ZFHX3: variants seen among roughly 807,000 people sequenced by gnomAD.
ZFHX3 encodes zinc finger homeobox protein 3.
Under a neutral mutation model 279.1 loss-of-function variants are expected in ZFHX3, and 42 were observed. The observed-to-expected ratio is 0.15, with a 90% CI of 0.12 to 0.19. The LOEUF is 0.19. ZFHX3 is among the 10% of genes least tolerant of loss of function. ZFHX3 has a pLI of 1.00. For missense variants in ZFHX3, 4,981 were observed against 4,754.0 expected (o/e 1.05, Z -1.40); for synonymous variants, 2,293 against 1,957.8 (o/e 1.17, Z -4.52).
At chr16:73,633,233 GAGA>G (rs1208734566) in intron 2 of ZFHX3, among the ~76,000 whole-genome samples, 1 of 152,322 alleles carries the variant, frequency 6.6e-6, no homozygotes, top group African/African-American at 2.4e-5. Context: ...GATCGAAATT[GAGA>G]AGGAGAAACC....
At chr16:73,163,789 T>G (rs1442738290) in intron 5 of ZFHX3, among the ~76,000 whole-genome samples, 1 of 152,146 alleles carries the variant, frequency 6.6e-6, no homozygotes, top group Non-Finnish European at 1.5e-5. Context: ...CCAAGGGTAT[T>G]TGGTAACTTT....
intron 2 of ZFHX3, among the ~76,000 whole-genome samples, chr16:73,581,793 C>G (rs1486937096): frequency 6.6e-6 from 1 of 150,666 alleles, no homozygotes; most frequent in Non-Finnish European, 1.5e-5. Flanking sequence ...GTCTCAGCCT[C>G]CCAAGTAGCT....
intron 1 of ZFHX3, among the ~76,000 whole-genome samples, chr16:73,768,279 G>A (rs530309355): frequency 6.6e-6 from 1 of 152,096 alleles, no homozygotes; most frequent in African/African-American, 2.4e-5. Flanking sequence ...CCACTAACAT[G>A]GCCTACTCTG....
chr16:73,095,613 C>T (rs910124295), intron 7 of ZFHX3, among the ~76,000 whole-genome samples: 7 of 152,194 alleles, frequency 4.6e-5, no homozygotes, highest in Non-Finnish European at 7.3e-5. Context: ...CGTGAAAGTA[C>T]GCAGTAAGCT....
chr16:73,000,791 T>A (rs1458537125), intron 1 of ZFHX3, among the ~76,000 whole-genome samples: 2 of 152,118 alleles, frequency 1.3e-5, no homozygotes, highest in Non-Finnish European at 2.9e-5. Context: ...AAGACCTTCC[T>A]CCACGTTCGA....
intron 1 of ZFHX3, among the ~76,000 whole-genome samples, chr16:73,810,394 G>C (rs1034222147): frequency 6.6e-6 from 1 of 152,108 alleles, no homozygotes; most frequent in Non-Finnish European, 1.5e-5. Flanking sequence ...TCTTTAAAAA[G>C]ATAAGTCTTT....
chr16:73,070,936 GCGCACA>G lies in ZFHX3; in HGVS notation c.-532-11930_-532-11925del, dbSNP rs1189454889. ...GTCTTGCGCGCGCGCGCGCGCGCGC[GCGCACA>G]CACACACACACACACACACACACAC... On this transcript the variant is annotated intron_variant, in intron 8 of 17. Transcript: ENST00000641206. Among the ~76,000 whole-genome samples, 19 of 9,976 alleles carry G rather than the reference GCGCACA, an allele frequency of 1.9e-3. No individual in the cohort carries two copies. In the South Asian group the frequency reaches 0.05, roughly 26 times the overall value. The allele number at this position is 9,976 out of a possible 152,430, so 6.5% of individuals were successfully genotyped here.
At chr16:73,105,380 TATAC>T (rs755587464) in intron 7 of ZFHX3, among the ~76,000 whole-genome samples, 699 of 44,062 alleles carry the variant, frequency 0.016, 16 homozygotes, top group Middle Eastern at 0.049. Context: ...CATATATATA[TATAC>T]ACACACACAC....
intron 2 of ZFHX3, among the ~76,000 whole-genome samples, chr16:73,523,707 T>C (rs1297232559): frequency 1.3e-5 from 2 of 152,052 alleles, no homozygotes; most frequent in Non-Finnish European, 2.9e-5. Flanking sequence ...TCTTTTCTCT[T>C]TCACTTCTTC....
intron 2 of ZFHX3, among the ~76,000 whole-genome samples, chr16:73,588,794 A>T (rs1188616573): frequency 1.3e-5 from 2 of 151,960 alleles, no homozygotes; most frequent in Non-Finnish European, 2.9e-5. Context: ...GACTGTAGAA[A>T]ATTCTCTATA....
intron 4 of ZFHX3, among the ~76,000 whole-genome samples, chr16:73,264,343 C>A (rs1242044504): frequency 1.3e-5 from 2 of 152,148 alleles, no homozygotes; most frequent in African/African-American, 4.8e-5. Flanking sequence ...TTCCTGGTTT[C>A]CATTAAATTT....
chr16:73,627,511 A>C (rs767771739), intron 2 of ZFHX3, among the ~76,000 whole-genome samples: 6 of 152,218 alleles, frequency 3.9e-5, no homozygotes, highest in Non-Finnish European at 8.8e-5. Flanking sequence ...TTTAATTCTT[A>C]TGATTTGAAC....
At chr16:72,989,330 A>G (rs1341426889) in intron 1 of ZFHX3, among the ~76,000 whole-genome samples, 1 of 152,082 alleles carries the variant, frequency 6.6e-6, no homozygotes, top group Non-Finnish European at 1.5e-5. Context: ...AAAAATACAA[A>G]TATTAGCCAG....
At chr16:72,916,850 AAC>A (rs2039453962) in intron 3 of ZFHX3, among the ~76,000 whole-genome samples, 2 of 152,224 alleles carry the variant, frequency 1.3e-5, no homozygotes, top group African/African-American at 4.8e-5. Flanking sequence ...CCAGATGGAT[AAC>A]AGAGTTAAGT....
At chr16:73,078,855 A>G (rs1373817505) in intron 8 of ZFHX3, among the ~76,000 whole-genome samples, 1 of 151,770 alleles carries the variant, frequency 6.6e-6, no homozygotes, top group Non-Finnish European at 1.5e-5. Flanking sequence ...CATCTTAGCC[A>G]GGATGGTCTC....
At chr16:73,725,472 G>C (rs2053510278) in intron 1 of ZFHX3, among the ~76,000 whole-genome samples, 1 of 152,126 alleles carries the variant, frequency 6.6e-6, no homozygotes, top group African/African-American at 2.4e-5. Flanking sequence ...GGCAAAGCGA[G>C]CAACTGAGAG....
At chr16:72,952,865 G>C (rs1293782297) in intron 2 of ZFHX3, among the ~76,000 whole-genome samples, 1 of 152,142 alleles carries the variant, frequency 6.6e-6, no homozygotes, top group Non-Finnish European at 1.5e-5. Context: ...AGAAGGCTGG[G>C]CACTGGCGTC....
chr16:73,362,652 TAA>T (rs1310981358), intron 3 of ZFHX3, among the ~76,000 whole-genome samples: 4 of 152,212 alleles, frequency 2.6e-5, no homozygotes, highest in Non-Finnish European at 4.4e-5. Context: ...TGGCATAATA[TAA>T]GACAAGGCAG....
chr16:73,664,431 C>T (rs1050092487), intron 2 of ZFHX3, among the ~76,000 whole-genome samples: 10 of 152,148 alleles, frequency 6.6e-5, no homozygotes, highest in Non-Finnish European at 1.2e-4. Context: ...TACATATATT[C>T]GTTCTATGTA....
Sources: gnomAD v4.1 joint callset for allele counts (sites outside exome capture counted in the v4.1 genomes callset) on GRCh38, gnomAD v4.1.1 for gene constraint, MANE v1.5 for transcripts, NCBI Gene and HGNC (gene_info 2026-07-23, HGNC 2026-07-21) for gene names.